Variants in DST observed in about 807,000 individuals in gnomAD.
DST encodes the protein bullous pemphigoid antigen.
In DST, 253 loss-of-function variants were observed where a neutral mutation model predicts 875.2. That is an observed-to-expected ratio of 0.29 (90% CI 0.26 to 0.32). The LOEUF is 0.32. Ranked by LOEUF, DST falls within the 10% of genes least tolerant of loss-of-function variation. DST has a pLI of 1.00. For missense variants in DST, 8,287 were observed against 9,111.6 expected (o/e 0.91, Z 3.68); for synonymous variants, 3,124 against 3,197.1 (o/e 0.98, Z 0.77).
intron 92 of DST, 85 bp downstream of exon 92, chr6:56,476,064 A>G: frequency 4.2e-6 from 5 of 1,200,318 alleles, no homozygotes; most frequent in East Asian, 2.6e-5. Flanking sequence ...ACGAGAACAA[A>G]GCAATGTTTT....
chr6:56,938,108 C>CTCTCTCTCTATATA lies in DST; in HGVS notation c.216+15676_216+15677insTATATAGAGAGAGA, dbSNP rs1383243392. Among the ~76,000 whole-genome samples the CTCTCTCTCTATATA allele has an allele frequency of 4.2e-3, 502 of 120,688 alleles. 6 individuals carry two copies. The highest frequency in any genetic ancestry group is 0.017 in the African/African-American group (477 of 28,558). 79.2% of individuals were successfully genotyped at this position (120,688 alleles called of 152,430 possible). On this transcript the variant is annotated intron_variant, in intron 2 of 103. Coordinates refer to ENST00000680361, the MANE Select transcript of DST (RefSeq NM_001374736.1). ...TCTCTCTCTCTCTCTCTCTCTCTCTCTATATATATATATATATATATATGT... is the reference window on the plus strand; with the variant it reads ...TCTCTCTCTCTCTCTCTCTCTCTCTCTCTCTCTCTATATATATATATATATATATATATATATGT...
At chr6:56,841,307 T>C (rs531881503) in intron 4 of DST, among the ~76,000 whole-genome samples, 3 of 152,300 alleles carry the variant, frequency 2.0e-5, no homozygotes, top group African/African-American at 4.8e-5. Flanking sequence ...AAATGAAACA[T>C]AGCACAGCTA....
At chr6:56,583,471 A>G (rs1357455437) in intron 49 of DST, among the ~76,000 whole-genome samples, 1 of 152,022 alleles carries the variant, frequency 6.6e-6, no homozygotes, top group South Asian at 2.1e-4. Flanking sequence ...AATTTGTTGG[A>G]GTTCATTGTA....
chr6:56,636,275 C>A (rs1587387212), intron 23 of DST, among the ~76,000 whole-genome samples: 2 of 145,956 alleles, frequency 1.4e-5, no homozygotes, highest in African/African-American at 5.5e-5. Flanking sequence ...CACAAACACA[C>A]ACACACACAC....
intron 36 of DST, among the ~76,000 whole-genome samples, chr6:56,622,523 C>A (rs376147951): frequency 7.3e-6 from 1 of 137,586 alleles, no homozygotes; most frequent in Non-Finnish European, 1.5e-5. Flanking sequence ...TGCAGTGAGC[C>A]GAGATCACGC....
chr6:56,668,589 T>TA (rs1469438924), intron 10 of DST, among the ~76,000 whole-genome samples: 16 of 150,704 alleles, frequency 1.1e-4, no homozygotes, highest in African/African-American at 2.7e-4. Context: ...TAAAAATAAA[T>TA]AAAAAAAAAT....
intron 49 of DST, among the ~76,000 whole-genome samples, chr6:56,586,601 G>T (rs184599336): frequency 5.3e-5 from 8 of 152,186 alleles, no homozygotes; most frequent in Admixed American, 5.2e-4. Context: ...CGGGCAGATT[G>T]CCTCCTCAAG....
At chr6:56,564,892 G>T (rs9367690) in intron 55 of DST, among the ~76,000 whole-genome samples, 41,719 of 152,090 alleles carry the variant, frequency 0.27, 6,994 homozygotes, top group Middle Eastern at 0.39. Flanking sequence ...GTATGAACCA[G>T]CCTTGCTTCC....
At chr6:56,463,457 T>G in intron 101 of DST, 108 bp downstream of exon 101, 8 of 1,071,574 alleles carry the variant, frequency 7.5e-6, no homozygotes, top group African/African-American at 1.6e-5. Context: ...GGTGCACAAA[T>G]GGAGATAGCT....
At chr6:56,677,533 C>G (rs2099136962) in intron 9 of DST, among the ~76,000 whole-genome samples, 1 of 152,190 alleles carries the variant, frequency 6.6e-6, no homozygotes, top group Non-Finnish European at 1.5e-5. Flanking sequence ...TGTCCACGAA[C>G]TGCTGGCTTC....
At position 56,508,438 on chromosome 6, in the gene DST, A is replaced by G. The variant is rs2096393144; in HGVS notation, c.19239+91T>C. ...ATTTTCAGAACCAAATATAAATGTT[A>G]ACAGAGTAACTCCTAACATTTACCC... On this transcript the variant is annotated intron_variant, in intron 75 of 103. Coordinates refer to ENST00000680361, the MANE Select transcript of DST (RefSeq NM_001374736.1). 2.9e-6 allele frequency: 3 copies of G among 1,018,774 alleles called. No individual in the cohort carries two copies. In the East Asian group the frequency reaches 7.1e-5, roughly 24 times the overall value. 63.1% of individuals were successfully genotyped at this position (1,018,774 alleles called of 1,614,324 possible).
chr6:56,865,261 C>CTGTGTGTGTGTGTGTGTG (rs35870270), intron 3 of DST, among the ~76,000 whole-genome samples: 2 of 143,706 alleles, frequency 1.4e-5, no homozygotes, highest in African/African-American at 5.0e-5. Context: ...CCCTAGTTTT[C>CTGTGTGTGTGTGTGTGTG]TGTGTGTGTG....
chr6:56,946,802 T>C (rs569148801), intron 2 of DST, among the ~76,000 whole-genome samples: 1 of 152,142 alleles, frequency 6.6e-6, no homozygotes, highest in Non-Finnish European at 1.5e-5. Context: ...GGGTAAACAT[T>C]TAGGAATAAT....
chr6:56,871,804 A>G (rs1280266759), intron 3 of DST: 1 of 329,656 alleles, frequency 3.0e-6, no homozygotes, highest in Non-Finnish European at 5.6e-6. Context: ...AAGAAAAAGA[A>G]AAGAGGTGTG....
chr6:56,824,623 G>C (rs889379373), intron 4 of DST, among the ~76,000 whole-genome samples: 7 of 151,548 alleles, frequency 4.6e-5, no homozygotes, highest in African/African-American at 7.3e-5. Context: ...CCGCTGCCCC[G>C]TCTGGGATGT....
intron 32 of DST, 59 bp downstream of exon 32, chr6:56,629,191 T>C (rs1311064712): frequency 6.5e-7 from 1 of 1,537,022 alleles, no homozygotes; most frequent in Non-Finnish European, 9.0e-7. Flanking sequence ...TAGATTTTAC[T>C]CATTTACCAT....
intron 4 of DST, among the ~76,000 whole-genome samples, chr6:56,751,578 T>A (rs1357344198): frequency 6.6e-6 from 1 of 152,178 alleles, no homozygotes; most frequent in Admixed American, 6.5e-5. Flanking sequence ...GGGTTAAAGC[T>A]GCAATCCCAG....
At chr6:56,666,550 C>T (rs959060497) in intron 10 of DST, among the ~76,000 whole-genome samples, 6 of 152,046 alleles carry the variant, frequency 3.9e-5, no homozygotes, top group Non-Finnish European at 8.8e-5. Context: ...CCAACAGAAA[C>T]CAAACCCACT....
At chr6:56,863,719 A>T (rs1772504345) in intron 3 of DST, 1 of 152,218 alleles carries the variant, frequency 6.6e-6, no homozygotes. Flanking sequence ...ATTTTTAAAA[A>T]TGTGTATCTG....
Sources: allele counts gnomAD v4.1 joint callset (sites outside exome capture counted in the v4.1 genomes callset), GRCh38; gene constraint gnomAD v4.1.1; transcripts MANE v1.5; gene names NCBI Gene and HGNC (gene_info 2026-07-23, HGNC 2026-07-21).